AFDN: variants seen among roughly 807,000 people sequenced by gnomAD.
The protein encoded by AFDN is afadin.
Under a neutral mutation model 216.6 loss-of-function variants are expected in AFDN, and 68 were observed. The observed-to-expected ratio is 0.31, with a 90% CI of 0.26 to 0.38. AFDN has a LOEUF of 0.38. AFDN is among the 10% of genes least tolerant of loss of function. AFDN has a pLI of 1.00. For missense variants in AFDN, 2,136 were observed against 2,342.0 expected (o/e 0.91, Z 1.82); for synonymous variants, 868 against 853.7 (o/e 1.02, Z -0.29).
chr6:167,898,579 A>T, intron 11 of AFDN, 112 bp downstream of exon 11: 2 of 1,237,576 alleles, frequency 1.6e-6, no homozygotes, highest in Non-Finnish European at 2.2e-6. Context: ...AAAAAATATC[A>T]AAGTGAAGTT....
chr6:167,956,792 C>T (rs1215202114), intron 30 of AFDN, among the ~76,000 whole-genome samples: 3 of 152,192 alleles, frequency 2.0e-5, no homozygotes, highest in African/African-American at 7.2e-5. Context: ...GGCTTGACCT[C>T]CTCACAACCT....
intron 7 of AFDN, 23 bp from the exon 8 acceptor site, chr6:167,890,839 G>T (rs1439300167): frequency 6.2e-7 from 1 of 1,608,790 alleles, no homozygotes; most frequent in Non-Finnish European, 8.5e-7. Context: ...TCTGCCTGAT[G>T]ATTTCCCATG....
chr6:167,895,039 A>T (rs897563843), intron 9 of AFDN, among the ~76,000 whole-genome samples: 3 of 152,114 alleles, frequency 2.0e-5, no homozygotes, highest in Non-Finnish European at 2.9e-5. Context: ...TTTTTATATA[A>T]GTATTCACTG....
At chr6:167,856,834 A>G (rs1782953854) in intron 1 of AFDN, among the ~76,000 whole-genome samples, 1 of 152,088 alleles carries the variant, frequency 6.6e-6, no homozygotes, top group Non-Finnish European at 1.5e-5. Context: ...TGACAAATAT[A>G]TTTATTAAGC....
chr6:167,849,579 G>C (rs545776814), intron 1 of AFDN, among the ~76,000 whole-genome samples: 1 of 152,218 alleles, frequency 6.6e-6, no homozygotes, highest in South Asian at 2.1e-4. Flanking sequence ...CTGTCTTTGA[G>C]TTCATGCCTA....
intron 5 of AFDN, among the ~76,000 whole-genome samples, chr6:167,877,036 A>G (rs897679894): frequency 3.3e-5 from 5 of 152,192 alleles, no homozygotes; most frequent in Non-Finnish European, 4.4e-5. Context: ...ATGCCCATTA[A>G]AAGTATTGCT....
chr6:167,952,015 C>G lies in AFDN; in HGVS notation c.4661C>G (p.Pro1554Arg), dbSNP rs762942648. Residue 1554 changes from proline (P) to arginine (R), a missense_variant, in exon 30 of 34, where the codon CCG (proline) becomes CGG (arginine). Pro to Arg is a moderately radical substitution (Grantham distance 103, BLOSUM62 -2). Transcript: ENST00000683244. ...SKEIQELQSK[P>R]DRSAEESDRL... Reference sequence around the variant, plus strand: ...GAGATCCAGGAGCTCCAGAGCAAACCGGACCGCAGCGCCGAGGAGAGCGAC... The same window carrying G: ...GAGATCCAGGAGCTCCAGAGCAAACGGGACCGCAGCGCCGAGGAGAGCGAC... The G allele has an allele frequency of 6.2e-7, 1 of 1,614,162 alleles. No individual in the cohort carries two copies. The highest frequency in any genetic ancestry group is 8.5e-7 in the Non-Finnish European group (1 of 1,180,024).
Position 167,925,107 on chromosome 6 carries a change from A to G in AFDN, c.3099+16A>G. 6.3e-7 allele frequency: 1 copy of G among 1,581,296 alleles called. No individual in the cohort carries two copies. Among genetic ancestry groups the G allele is most frequent in the South Asian group, 1.1e-5 (1 of 90,398 alleles). ...TGCAGCAAAGGTAGGCCAATTAGTC[A>G]CGTGCGAGTTGTTCTCTCCAGTCTT... is the stretch of plus-strand genomic sequence containing the variant. On this transcript the variant is annotated intron_variant, in intron 23 of 33. Coordinates refer to ENST00000683244, the MANE Select transcript of AFDN (RefSeq NM_001386888.1).
chr6:167,890,488 T>C (rs1562617438), intron 7 of AFDN, among the ~76,000 whole-genome samples: 1 of 152,234 alleles, frequency 6.6e-6, no homozygotes, highest in Non-Finnish European at 1.5e-5. Context: ...AGTACATTTT[T>C]ATATGTGTAT....
chr6:167,831,468 G>A (rs1779826150), intron 1 of AFDN, among the ~76,000 whole-genome samples: 1 of 152,172 alleles, frequency 6.6e-6, no homozygotes, highest in South Asian at 2.1e-4. Context: ...TTGTAAGTCT[G>A]AGGGACAGCT....
chr6:167,853,740 C>G (rs1782574551), intron 1 of AFDN, among the ~76,000 whole-genome samples: 1 of 152,042 alleles, frequency 6.6e-6, no homozygotes, highest in South Asian at 2.1e-4. Context: ...ATGACACATG[C>G]TGTTGTGCGT....
chr6:167,832,926 TG>T (rs1779984773), intron 1 of AFDN, among the ~76,000 whole-genome samples: 1 of 152,246 alleles, frequency 6.6e-6, no homozygotes, highest in Admixed American at 6.5e-5. Flanking sequence ...AGAGTGGCTA[TG>T]TGGAACCCTG....
intron 30 of AFDN, among the ~76,000 whole-genome samples, chr6:167,955,702 A>G (rs1342042771): frequency 6.6e-6 from 1 of 152,224 alleles, no homozygotes; most frequent in African/African-American, 2.4e-5. Flanking sequence ...GAAATAATTC[A>G]GAGAGTTTCT....
intron 1 of AFDN, among the ~76,000 whole-genome samples, chr6:167,849,512 G>GT (rs34926099): frequency 1.3e-5 from 2 of 152,038 alleles, no homozygotes; most frequent in South Asian, 4.1e-4. Flanking sequence ...TGATTTTGAG[G>GT]TTTTTGTTTC....
At chr6:167,964,353 A>C in intron 31 of AFDN, 1 of 1,064,590 alleles carries the variant, frequency 9.4e-7, no homozygotes, top group Non-Finnish European at 1.1e-6. Flanking sequence ...AAATGTTACC[A>C]AGCAACTGTT....
intron 2 of AFDN, among the ~76,000 whole-genome samples, chr6:167,866,957 A>G (rs935212608): frequency 5.3e-5 from 8 of 152,204 alleles, no homozygotes; most frequent in South Asian, 2.1e-4. Context: ...CTCTGCATCT[A>G]TTCTTTTTAT....
intron 4 of AFDN, among the ~76,000 whole-genome samples, chr6:167,874,507 T>C (rs560368689): frequency 6.6e-6 from 1 of 152,274 alleles, no homozygotes; most frequent in East Asian, 1.9e-4. Flanking sequence ...CAATTAATTC[T>C]TTTTGAAAAT....
At chr6:167,846,212 T>G (rs1257522615) in intron 1 of AFDN, among the ~76,000 whole-genome samples, 2 of 152,058 alleles carry the variant, frequency 1.3e-5, no homozygotes, top group African/African-American at 4.8e-5. Flanking sequence ...GCGGTCTTTT[T>G]TTTCCTTAAA....
upstream of AFDN, chr6:167,826,873 C>CG (rs1337087579): frequency 2.2e-5 from 3 of 137,122 alleles, no homozygotes; most frequent in African/African-American, 7.5e-5. Flanking sequence ...GCGGGCGGGG[C>CG]GCGGGCGGGT....
Sources: allele counts gnomAD v4.1 joint callset (sites outside exome capture counted in the v4.1 genomes callset), GRCh38; gene constraint gnomAD v4.1.1; transcripts MANE v1.5; gene names NCBI Gene and HGNC (gene_info 2026-07-23, HGNC 2026-07-21).